CRACDL: variants seen among roughly 807,000 people sequenced by gnomAD.
CRACDL encodes CRACD like, also known as CRACD-like protein.
CRACDL carries 26 observed loss-of-function variants against 70.6 expected under a neutral mutation model. The ratio of observed to expected loss-of-function variants is 0.37; its 90% CI spans 0.27 to 0.51. The LOEUF is 0.51. CRACDL is among the 20% of genes least tolerant of loss of function. CRACDL has a pLI of 0.94. For synonymous variants in CRACDL, 618 were observed against 615.2 expected (o/e 1.00, Z -0.07); for missense variants, 1,283 against 1,376.9 (o/e 0.93, Z 1.08).
At chr2:98,856,783 T>C (rs1706717575) in intron 1 of CRACDL, among the ~76,000 whole-genome samples, 1 of 152,194 alleles carries the variant, frequency 6.6e-6, no homozygotes, top group Non-Finnish European at 1.5e-5. Flanking sequence ...GCTGTGAACA[T>C]CATGCCCAGG....
At chr2:98,934,103 T>C (rs1340169041) in intron 1 of CRACDL, among the ~76,000 whole-genome samples, 2 of 152,096 alleles carry the variant, frequency 1.3e-5, no homozygotes, top group African/African-American at 2.4e-5. Flanking sequence ...AATCCACATA[T>C]GAATTTTTGG....
At chr2:98,900,326 C>T (rs1346283922) in intron 1 of CRACDL, among the ~76,000 whole-genome samples, 3 of 107,656 alleles carry the variant, frequency 2.8e-5, no homozygotes, top group South Asian at 3.0e-4. Flanking sequence ...GGCAGGGGGA[C>T]AAAGGCTCAG....
chr2:98,924,928 G>GC (rs751156778), intron 1 of CRACDL, among the ~76,000 whole-genome samples: 7 of 152,150 alleles, frequency 4.6e-5, no homozygotes, highest in Non-Finnish European at 8.8e-5. Flanking sequence ...TCTCCCTACA[G>GC]CCCTAGGAGG....
chr2:98,934,532 G>A (rs930530411), intron 1 of CRACDL, among the ~76,000 whole-genome samples: 1 of 152,174 alleles, frequency 6.6e-6, no homozygotes, highest in Non-Finnish European at 1.5e-5. Context: ...GCCAAGCAGA[G>A]CAGTGATCTC....
chr2:98,930,332 AC>A (rs1709040686), intron 1 of CRACDL, among the ~76,000 whole-genome samples: 1 of 8,916 alleles, frequency 1.1e-4, no homozygotes, highest in Non-Finnish European at 2.2e-4. Flanking sequence ...CCCCATCCCC[AC>A]CCTCTGTACC....
At position 98,838,139 on chromosome 2, in the gene CRACDL, G is replaced by A. The variant is rs750812457; in HGVS notation, c.219C>T (p.Tyr73=). Residue 73 remains tyrosine, a synonymous_variant, in exon 3 of 10, where the codon TAC becomes TAT. Coordinates refer to ENST00000397899, the MANE Select transcript of CRACDL (RefSeq NM_207362.3). ...CTTACTCCAGCTCATCCTCGGAGTC[G>A]TAGCCCACTGGCCCGGATTCGATGG... The part of the protein sequence containing the change: ...VIAIESGPVG[Y]DSEDELEESR... The A allele has an allele frequency of 2.5e-6, 4 of 1,608,858 alleles. No homozygotes were observed. Among genetic ancestry groups the A allele is most frequent in the Admixed American group, 1.7e-5 (1 of 59,020 alleles).
At position 98,823,448 on chromosome 2, in the gene CRACDL, T is replaced by C; in HGVS notation, c.825A>G (p.Glu275=). ...CCTGCTGCCCAGAGCTGGGGCGCTC[T>C]TCTGGGCTGACTTCCAAAAGTGGCT... The part of the protein sequence containing the change: ...EEKPLLEVSP[E]ERPSSGQQDV... Residue 275 remains glutamate, a synonymous_variant, in exon 7 of 10, where the codon GAA becomes GAG. Transcript: ENST00000397899. The surrounding 1 kb of genome is among the most constrained non-coding windows in gnomAD (Gnocchi z 4.0). The C allele has an allele frequency of 6.3e-7, 1 of 1,590,402 alleles. No individual in the cohort carries two copies. Among genetic ancestry groups the C allele is most frequent in the Non-Finnish European group, 8.5e-7 (1 of 1,175,966 alleles).
At chr2:98,870,681 C>T (rs890702683) in intron 1 of CRACDL, among the ~76,000 whole-genome samples, 4 of 152,222 alleles carry the variant, frequency 2.6e-5, no homozygotes, top group South Asian at 2.1e-4. Context: ...CCCAGCAACA[C>T]GAGCTGGCCA....
intron 2 of CRACDL, 86 bp from the exon 3 acceptor site, chr2:98,838,373 G>T: frequency 1.4e-6 from 1 of 735,008 alleles, no homozygotes; most frequent in Non-Finnish European, 2.1e-6. Flanking sequence ...GTAAAAGAGA[G>T]AAAGCAAGAT....
chr2:98,862,896 C>T (rs993894632), intron 1 of CRACDL, among the ~76,000 whole-genome samples: 1 of 151,898 alleles, frequency 6.6e-6, no homozygotes, highest in African/African-American at 2.4e-5. Context: ...GCAAACTTTC[C>T]AAATTTGATG....
intron 1 of CRACDL, among the ~76,000 whole-genome samples, chr2:98,863,541 T>A (rs1707017207): frequency 6.6e-6 from 1 of 152,246 alleles, no homozygotes; most frequent in African/African-American, 2.4e-5. Context: ...TCCATTGTTT[T>A]GTATTTTACG....
chr2:98,796,472 C>T (rs752494446), intron 8 of CRACDL, among the ~76,000 whole-genome samples: 3 of 152,228 alleles, frequency 2.0e-5, no homozygotes, highest in South Asian at 2.1e-4. Context: ...CTGGCACACA[C>T]GTGCATCATG....
chr2:98,901,773 A>T (rs1382900075), intron 1 of CRACDL, among the ~76,000 whole-genome samples: 3 of 152,224 alleles, frequency 2.0e-5, no homozygotes, highest in African/African-American at 7.2e-5. Flanking sequence ...GGTGTGCATC[A>T]AGCGACCTGA....
chr2:98,905,374 A>T (rs10192266), intron 1 of CRACDL, among the ~76,000 whole-genome samples: 4 of 151,810 alleles, frequency 2.6e-5, no homozygotes, highest in Non-Finnish European at 5.9e-5. Context: ...GGCCCTCACC[A>T]GAAGCAGATG....
At chr2:98,801,646 T>A (rs1444264688) in intron 7 of CRACDL, among the ~76,000 whole-genome samples, 1 of 152,174 alleles carries the variant, frequency 6.6e-6, no homozygotes, top group African/African-American at 2.4e-5. Flanking sequence ...CTCAGTGTGG[T>A]TTTGAAGATA....
intron 1 of CRACDL, among the ~76,000 whole-genome samples, chr2:98,870,819 C>T (rs1707313754): frequency 1.3e-5 from 2 of 152,196 alleles, no homozygotes; most frequent in Admixed American, 1.3e-4. Context: ...TAGTAGGGCC[C>T]CCTCAGGAGC....
intron 1 of CRACDL, among the ~76,000 whole-genome samples, chr2:98,908,089 G>T (rs1320132228): frequency 6.6e-6 from 1 of 152,218 alleles, no homozygotes; most frequent in South Asian, 2.1e-4. Context: ...TGGAATGGGA[G>T]GATCTCACCT....
Position 98,832,530 on chromosome 2 carries a change from A to G in CRACDL, c.376-18T>C, listed in dbSNP as rs1705587618. ...ATTTTTAACTAGATTGGAATAAAGA[A>G]CATGTGCTCTTATTTTCATCAATGA... is the stretch of plus-strand genomic sequence containing the variant. On this transcript the variant is annotated intron_variant, in intron 4 of 9. Transcript: ENST00000397899. The G allele has an allele frequency of 6.4e-7, 1 of 1,554,810 alleles. No individual in the cohort carries two copies. The highest frequency in any genetic ancestry group is 8.7e-7 in the Non-Finnish European group (1 of 1,148,566).
In CRACDL at chr2:98,827,146, G is replaced by A. The variant is rs374963884; in HGVS notation, c.564C>T (p.His188=). Residue 188 remains histidine, a synonymous_variant, in exon 6 of 10, where the codon CAC becomes CAT. Coordinates refer to ENST00000397899, the MANE Select transcript of CRACDL (RefSeq NM_207362.3). ...GGGCAGAGACGGTGCTGTCGCTCAC[G>A]TGGTCTGGAGACACGACAGAGACCT... The part of the protein sequence containing the change: ...TIKVSVVSPD[H]VSDSTVSARI... The A allele has an allele frequency of 2.2e-5, 36 of 1,613,980 alleles. No homozygotes were observed. Among genetic ancestry groups the A allele is most frequent in the Admixed American group, 6.7e-5 (4 of 60,012 alleles).
Sources: allele counts gnomAD v4.1 joint callset (sites outside exome capture counted in the v4.1 genomes callset), GRCh38; gene constraint gnomAD v4.1.1; non-coding constraint Gnocchi (gnomAD v3.1); transcripts MANE v1.5; gene names NCBI Gene and HGNC (gene_info 2026-07-23, HGNC 2026-07-21).